MICAL2: variants seen among roughly 807,000 people sequenced by gnomAD.
MICAL2 encodes [F-actin]-monooxygenase MICAL2.
MICAL2 carries 77 observed loss-of-function variants against 127.3 expected under a neutral mutation model. That is an observed-to-expected ratio of 0.60 (90% CI 0.50 to 0.73). The LOEUF (loss-of-function observed/expected upper bound fraction) is 0.73. MICAL2 is among the 30% of genes least tolerant of loss of function. The pLI, the probability that MICAL2 is intolerant of heterozygous loss-of-function variation, is 0.00. For synonymous variants in MICAL2, 570 were observed against 551.1 expected (o/e 1.03, Z -0.48); for missense variants, 1,351 against 1,434.4 (o/e 0.94, Z 0.94).
intron 33 of MICAL2, among the ~76,000 whole-genome samples, chr11:12,352,474 A>G (rs919351648): frequency 1.3e-5 from 2 of 152,240 alleles, no homozygotes; most frequent in African/African-American, 4.8e-5. Flanking sequence ...CCTGTGTCCC[A>G]TAACTGCAGC....
chr11:12,111,194 C>T (rs1223921615), intron 1 of MICAL2, among the ~76,000 whole-genome samples: 1 of 152,220 alleles, frequency 6.6e-6, no homozygotes, highest in African/African-American at 2.4e-5. Flanking sequence ...TGTCCCCTCC[C>T]TCTTTAGTAA....
At chr11:12,222,885 T>A in intron 11 of MICAL2, 142 bp downstream of exon 11, 4 of 1,058,696 alleles carry the variant, frequency 3.8e-6, no homozygotes, top group Non-Finnish European at 5.4e-6. Flanking sequence ...TGGGACCAGT[T>A]CTTCTCCCCA....
chr11:12,217,410 G>A (rs981374512), intron 8 of MICAL2, among the ~76,000 whole-genome samples: 6 of 152,184 alleles, frequency 3.9e-5, no homozygotes, highest in East Asian at 1.9e-4. Flanking sequence ...CTGTGAATGC[G>A]GGCTTGGTGA....
chr11:12,312,293 C>T (rs947218592), intron 29 of MICAL2, among the ~76,000 whole-genome samples: 5 of 148,052 alleles, frequency 3.4e-5, no homozygotes, highest in Non-Finnish European at 7.4e-5. Flanking sequence ...AATTGTGGTT[C>T]TTTTTCTAGC....
downstream of MICAL2, among the ~76,000 whole-genome samples, chr11:12,291,723 A>G (rs902523453): frequency 6.6e-6 from 1 of 152,226 alleles, no homozygotes; most frequent in African/African-American, 2.4e-5. Context: ...GTCTGTGCCC[A>G]TGGCTAAAGG....
intron 3 of MICAL2, among the ~76,000 whole-genome samples, chr11:12,172,999 C>T (rs1051972017): frequency 4.6e-5 from 7 of 151,998 alleles, no homozygotes; most frequent in Non-Finnish European, 1.0e-4. Flanking sequence ...GAAATATATA[C>T]TTAAGAGAAG....
At chr11:12,118,119 T>C (rs1248649302) in intron 1 of MICAL2, among the ~76,000 whole-genome samples, 2 of 152,180 alleles carry the variant, frequency 1.3e-5, no homozygotes, top group Non-Finnish European at 2.9e-5. Flanking sequence ...CCAGATGACC[T>C]AGAAGGTCTT....
chr11:12,254,143 G>A (rs1861972220), intron 22 of MICAL2: 1 of 152,164 alleles, frequency 6.6e-6, no homozygotes, highest in Non-Finnish European at 1.5e-5. Flanking sequence ...AAGGTCTTAG[G>A]AGCTCTGCCT....
At chr11:12,145,487 A>C (rs1206366816) in intron 2 of MICAL2, among the ~76,000 whole-genome samples, 27 of 152,198 alleles carry the variant, frequency 1.8e-4, no homozygotes, top group Admixed American at 1.4e-3. Flanking sequence ...AGGGGGAGTC[A>C]TTCTGCTGGC....
intron 1 of MICAL2, among the ~76,000 whole-genome samples, chr11:12,129,764 G>A (rs1053719484): frequency 1.3e-5 from 2 of 151,522 alleles, no homozygotes; most frequent in Admixed American, 1.3e-4. Context: ...CTGGAGAGCA[G>A]TGGTGGGATC....
intron 24 of MICAL2, among the ~76,000 whole-genome samples, chr11:12,269,576 G>A (rs1036220409): frequency 7.2e-5 from 11 of 152,316 alleles, no homozygotes; most frequent in South Asian, 6.2e-4. Context: ...GTGCCAGATC[G>A]CCAGCCGTCT....
downstream of MICAL2, among the ~76,000 whole-genome samples, chr11:12,265,730 C>T (rs189002654): frequency 4.0e-3 from 602 of 152,164 alleles, no homozygotes; most frequent in Non-Finnish European, 5.3e-3. Flanking sequence ...GGCAATTTAC[C>T]CTTAAGCAAA....
chr11:12,315,698 T>A (rs989309999), intron 29 of MICAL2, among the ~76,000 whole-genome samples: 5 of 152,310 alleles, frequency 3.3e-5, no homozygotes, highest in Admixed American at 3.3e-4. Flanking sequence ...CCTGTGCGCT[T>A]TCAAATAATC....
intron 26 of MICAL2, chr11:12,261,217 C>CT (rs2134711071): frequency 1.0e-6 from 1 of 985,512 alleles, no homozygotes; most frequent in East Asian, 1.1e-4. Flanking sequence ...ATCCTGACTG[C>CT]TTAGCTGCTC....
intron 3 of MICAL2, among the ~76,000 whole-genome samples, chr11:12,191,652 A>C (rs1859143076): frequency 6.6e-6 from 1 of 152,118 alleles, no homozygotes; most frequent in Admixed American, 6.6e-5. Flanking sequence ...CTGTAGTCCC[A>C]GCTACTCGGG....
At chr11:12,163,310 G>A (rs1414622845) in intron 3 of MICAL2, among the ~76,000 whole-genome samples, 2 of 152,236 alleles carry the variant, frequency 1.3e-5, no homozygotes, top group Admixed American at 1.3e-4. Context: ...ACTGGTGCAG[G>A]CTGTGTGTTT....
At chr11:12,285,292 A>G (rs1444341741) in intron 2 of MICAL2, among the ~76,000 whole-genome samples, 1 of 152,150 alleles carries the variant, frequency 6.6e-6, no homozygotes, top group African/African-American at 2.4e-5. Flanking sequence ...AGGCTTTACA[A>G]TAGTGATGTT....
downstream of MICAL2, chr11:12,359,095 A>G (rs929568604): frequency 6.6e-6 from 1 of 152,592 alleles, no homozygotes; most frequent in Admixed American, 6.5e-5. Flanking sequence ...TATAATATAC[A>G]TAAGCAATGA....
chr11:12,121,298 G>GGAATT (rs1850488932), intron 1 of MICAL2, among the ~76,000 whole-genome samples: 1 of 152,204 alleles, frequency 6.6e-6, no homozygotes, highest in African/African-American at 2.4e-5. Flanking sequence ...GAGGTGCTGA[G>GGAATT]CTCCTCTGGG....
Sources: gnomAD v4.1 joint callset for allele counts (sites outside exome capture counted in the v4.1 genomes callset) on GRCh38, gnomAD v4.1.1 for gene constraint, MANE v1.5 for transcripts, NCBI Gene and HGNC (gene_info 2026-07-23, HGNC 2026-07-21) for gene names.